GIT2: variants seen among roughly 807,000 people sequenced by gnomAD.
GIT2 encodes ARF GTPase-activating protein GIT2.
GIT2 carries 32 observed loss-of-function variants against 100.3 expected under a neutral mutation model. The ratio of observed to expected loss-of-function variants is 0.32; its 90% confidence interval spans 0.24 to 0.43. GIT2 has a LOEUF of 0.43. Ranked by LOEUF, GIT2 falls within the 20% of genes least tolerant of loss-of-function variation. GIT2 has a pLI of 1.00. For missense variants in GIT2, 737 were observed against 975.1 expected (o/e 0.76, Z 3.25); for synonymous variants, 353 against 364.1 (o/e 0.97, Z 0.35).
upstream of GIT2, chr12:109,999,802 G>T (rs1889851990): frequency 1.3e-6 from 2 of 1,526,024 alleles, no homozygotes; most frequent in African/African-American, 2.8e-5. The surrounding 1 kb of genome is among the most constrained non-coding windows in gnomAD (Gnocchi z 4.3). Context: ...GCGGGGCGGG[G>T]GTCCGTCTCC....
At chr12:109,958,453 G>A (rs1880164201) in intron 12 of GIT2, among the ~76,000 whole-genome samples, 1 of 151,640 alleles carries the variant, frequency 6.6e-6, no homozygotes, top group African/African-American at 2.4e-5. Flanking sequence ...ATGTTGGCCA[G>A]GCTGATCTCA....
upstream of GIT2, among the ~76,000 whole-genome samples, chr12:109,996,690 C>T (rs1889485240): frequency 1.3e-5 from 2 of 152,214 alleles, no homozygotes; most frequent in African/African-American, 4.8e-5. Flanking sequence ...TATATACTGT[C>T]CCAGCCACTG....
Position 109,972,003 on chromosome 12 carries a change from A to G in GIT2, c.719-4500T>C, listed in dbSNP as rs12231496. ...AGCAAGACTATCTCAAAAAAAAGGGAAAAAAAAATATATATATATATATGG... is the reference window on the plus strand; with the variant it reads ...AGCAAGACTATCTCAAAAAAAAGGGGAAAAAAAATATATATATATATATGG... On this transcript the variant is annotated intron_variant, in intron 7 of 19. Transcript: ENST00000355312. Among the ~76,000 whole-genome samples, 28 of 133,306 alleles carry G rather than the reference A, an allele frequency of 2.1e-4. No individual in the cohort carries two copies. The East Asian group carries it at 2.3e-3, about 11-fold the overall frequency. 87.5% of individuals were successfully genotyped at this position (133,306 alleles called of 152,430 possible).
chr12:109,966,241 G>C (rs894365860), intron 8 of GIT2, among the ~76,000 whole-genome samples: 3 of 141,292 alleles, frequency 2.1e-5, no homozygotes, highest in Non-Finnish European at 4.6e-5. Context: ...TGATCCACCC[G>C]CCTCGGCCTC....
chr12:109,952,861 T>C (rs1161342541), intron 13 of GIT2: 1 of 579,976 alleles, frequency 1.7e-6, no homozygotes, highest in Non-Finnish European at 3.1e-6. Flanking sequence ...CAGTAAACAC[T>C]TGTTGAATGA....
intron 1 of GIT2, among the ~76,000 whole-genome samples, chr12:109,993,719 G>A (rs1040877099): frequency 6.6e-6 from 1 of 152,058 alleles, no homozygotes; most frequent in Non-Finnish European, 1.5e-5. Flanking sequence ...TGAAATTCAT[G>A]ATCACTGGAC....
chr12:109,975,282 C>A (rs1253269791), intron 7 of GIT2, among the ~76,000 whole-genome samples: 1 of 152,080 alleles, frequency 6.6e-6, no homozygotes, highest in African/African-American at 2.4e-5. Context: ...GCACTCACTG[C>A]AGACTTGACC....
At chr12:109,945,387 A>G (rs1876050607) in intron 15 of GIT2, 38 bp from the exon 16 acceptor site, 1 of 1,021,342 alleles carries the variant, frequency 9.8e-7, no homozygotes, top group Non-Finnish European at 1.5e-6. Context: ...GGAAAATACA[A>G]AACAAACCAA....
In GIT2 at chr12:109,996,306, G is replaced by C. The variant is rs1422172266; in HGVS notation, c.-82C>G. 2 of 967,440 alleles carry C rather than the reference G, an allele frequency of 2.1e-6. No individual in the cohort carries two copies. The highest frequency in any genetic ancestry group is 1.7e-5 in the African/African-American group (1 of 58,750). 59.9% of individuals were successfully genotyped at this position (967,440 alleles called of 1,614,324 possible). A position where few individuals can be genotyped will look rare whatever the true frequency, so the allele number is the denominator to read the frequency against. ...TGGCGGCGGCGCTTCCGCTCTAACGGGTCCCAGCTGCGGCGGCGCTGACGG... is the reference window on the plus strand; with the variant it reads ...TGGCGGCGGCGCTTCCGCTCTAACGCGTCCCAGCTGCGGCGGCGCTGACGG... On this transcript the variant is annotated 5_prime_UTR_variant, in exon 1 of 20. Transcript: ENST00000355312.
chr12:109,983,874 G>A (rs906334809), intron 4 of GIT2, 180 bp from the exon 5 acceptor site: 1 of 557,146 alleles, frequency 1.8e-6, no homozygotes, highest in East Asian at 3.0e-5. Context: ...GGGCTGTAAG[G>A]TGGAGTGAGG....
At position 109,931,890 on chromosome 12, in the gene GIT2, C is replaced by G. The variant is rs1021536415; in HGVS notation, c.*1088G>C. The G allele has an allele frequency of 2.6e-5, 4 of 152,216 alleles. No homozygotes were observed. The highest frequency in any genetic ancestry group is 9.7e-5 in the African/African-American group (4 of 41,450). The allele number at this position is 152,216 out of a possible 1,614,324, so 9.4% of individuals were successfully genotyped here. ...CTAAGGAACTCTTGAAAGTTGATGT[C>G]TAATTTTTAAGTACTCATGAGGTGA... On this transcript the variant is annotated 3_prime_UTR_variant, in exon 20 of 20. Transcript: ENST00000355312.
intron 16 of GIT2, among the ~76,000 whole-genome samples, chr12:109,941,971 C>T (rs776248934): frequency 1.1e-4 from 16 of 151,978 alleles, no homozygotes; most frequent in Non-Finnish European, 2.1e-4. Flanking sequence ...ACCACAGGCC[C>T]GTGCCACCAC....
chr12:109,996,997 G>A (rs528803793), upstream of GIT2, among the ~76,000 whole-genome samples: 2 of 151,714 alleles, frequency 1.3e-5, no homozygotes, highest in South Asian at 2.1e-4. Flanking sequence ...GGATCACGAG[G>A]TCAGGAGTTC....
In GIT2 at chr12:109,962,941, G is replaced by A. The variant is rs1257724781; in HGVS notation, c.817-1256C>T. Among the ~76,000 whole-genome samples, 1 of 152,168 alleles carries A rather than the reference G, an allele frequency of 6.6e-6. No individual in the cohort carries two copies. The highest frequency in any genetic ancestry group is 2.4e-5 in the African/African-American group (1 of 41,428). Reference sequence around the variant, plus strand: ...CACTCACTTGAGCCTGGGAGTTCAAGGCTGCAGTGAGCCACGATGGCACCA... The same window carrying A: ...CACTCACTTGAGCCTGGGAGTTCAAAGCTGCAGTGAGCCACGATGGCACCA... On this transcript the variant is annotated intron_variant, in intron 9 of 19. Coordinates refer to ENST00000355312, the MANE Select transcript of GIT2 (RefSeq NM_057169.5). The surrounding 1 kb of genome is among the most constrained non-coding windows in gnomAD (Gnocchi z 4.3).
In GIT2 at chr12:109,975,774, T is replaced by C. The variant is rs1014714048; in HGVS notation, c.718+5178A>G. Among the ~76,000 whole-genome samples, 40 of 146,490 alleles carry C rather than the reference T, an allele frequency of 2.7e-4. 1 individual carries two copies. Among genetic ancestry groups the C allele is most frequent in the Middle Eastern group, 3.5e-3 (1 of 286 alleles). On this transcript the variant is annotated intron_variant, in intron 7 of 19. Transcript: ENST00000355312. ...TTTGATCACATATCTTTGTAGTCTT[T>C]TTTTTTTTTTTTTTTTAGATGGAGT...
intron 7 of GIT2, among the ~76,000 whole-genome samples, chr12:109,979,272 C>CTTTTT (rs11338613): frequency 3.5e-5 from 3 of 85,788 alleles, no homozygotes; most frequent in Non-Finnish European, 6.6e-5. Flanking sequence ...CAGAAAAAGG[C>CTTTTT]TTTTTTTTTT....
At chr12:109,949,011 C>T in intron 14 of GIT2, 1 of 583,140 alleles carries the variant, frequency 1.7e-6, no homozygotes, top group Non-Finnish European at 3.0e-6. Flanking sequence ...GTGTGACTTA[C>T]TGCCTCTTCC....
chr12:109,933,229 G>T lies in GIT2; in HGVS notation c.2068-39C>A. On this transcript the variant is annotated intron_variant, in intron 19 of 19. Transcript: ENST00000355312. The surrounding 1 kb of genome is among the most constrained non-coding windows in gnomAD (Gnocchi z 4.5). ...GACAGCCGTTTACCCTGAACTGCAG[G>T]GCAGACATCCAAAAGCAGGGGACAA... The T allele has an allele frequency of 8.6e-7, 1 of 1,168,702 alleles. No homozygotes were observed. 72.4% of individuals were successfully genotyped at this position (1,168,702 alleles called of 1,614,324 possible). A position where few individuals can be genotyped will look rare whatever the true frequency, so the allele number is the denominator to read the frequency against.
At chr12:109,941,653 C>T (rs1415530453) in intron 16 of GIT2, among the ~76,000 whole-genome samples, 5 of 151,794 alleles carry the variant, frequency 3.3e-5, no homozygotes, top group Non-Finnish European at 7.4e-5. Context: ...CCCTGAGTAG[C>T]TGGGATTACA....
Sources: allele counts gnomAD v4.1 joint callset (sites outside exome capture counted in the v4.1 genomes callset), GRCh38; gene constraint gnomAD v4.1.1; non-coding constraint Gnocchi (gnomAD v3.1); transcripts MANE v1.5; gene names NCBI Gene and HGNC (gene_info 2026-07-23, HGNC 2026-07-21).